ETFDH: variants seen among roughly 807,000 people sequenced by gnomAD.
The protein encoded by ETFDH is electron transfer flavoprotein-ubiquinone oxidoreductase, mitochondrial.
ETFDH carries 61 observed loss-of-function variants against 73.2 expected under a neutral mutation model. The ratio of observed to expected loss-of-function variants is 0.83; its 90% CI spans 0.68 to 1.03. ETFDH has a LOEUF of 1.03. Among genes scored for constraint, ETFDH ranks in the 50% least tolerant of loss-of-function variants. The pLI is 0.00. For missense variants in ETFDH, 685 were observed against 745.0 expected (o/e 0.92, Z 0.94); for synonymous variants, 243 against 253.3 (o/e 0.96, Z 0.39).
chr4:158,693,866 A>T (rs1774242426), intron 6 of ETFDH, among the ~76,000 whole-genome samples: 1 of 152,256 alleles, frequency 6.6e-6, no homozygotes, highest in African/African-American at 2.4e-5. Flanking sequence ...ACAAGAAAAA[A>T]GACAACACAT....
At chr4:158,685,262 CTT>C (rs771537173) in intron 5 of ETFDH, 43 bp downstream of exon 5, 8 of 1,029,892 alleles carry the variant, frequency 7.8e-6, no homozygotes, top group Non-Finnish European at 1.1e-5. Context: ...TAGGAACTCT[CTT>C]TTTTTAATAA....
At chr4:158,683,230 G>A (rs1293863255) in intron 3 of ETFDH, among the ~76,000 whole-genome samples, 4 of 152,174 alleles carry the variant, frequency 2.6e-5, no homozygotes, top group African/African-American at 7.2e-5. Context: ...AATAAAATTT[G>A]TATGAATTTG....
intron 1 of ETFDH, among the ~76,000 whole-genome samples, chr4:158,675,610 A>G (rs1011900651): frequency 2.0e-5 from 3 of 152,122 alleles, no homozygotes; most frequent in African/African-American, 4.8e-5. Context: ...CTACAAAAAA[A>G]TAGAAACAAT....
intron 1 of ETFDH, 145 bp downstream of exon 1, chr4:158,672,635 G>A (rs1773604333): frequency 3.6e-6 from 3 of 830,158 alleles, no homozygotes; most frequent in Admixed American, 4.2e-5. Flanking sequence ...CTGTCAGCCT[G>A]TTGGGGGACC....
Position 158,698,969 on chromosome 4 carries a change from TA to T in ETFDH, c.973-16del. ...TGAAATAAAAATGTCTAATTAAATATAAGTGTAAATTTTTAAGGTTGGTCTA... is the reference window on the plus strand; with the variant it reads ...TGAAATAAAAATGTCTAATTAAATATAGTGTAAATTTTTAAGGTTGGTCTA... On this transcript the variant is annotated splice_polypyrimidine_tract_variant and intron_variant, in intron 8 of 12. Transcript: ENST00000511912. The T allele has an allele frequency of 6.6e-7, 1 of 1,510,944 alleles. No individual in the cohort carries two copies. Among genetic ancestry groups the T allele is most frequent in the Non-Finnish European group, 9.2e-7 (1 of 1,088,492 alleles). The allele number at this position is 1,510,944 out of a possible 1,614,324, so 93.6% of individuals were successfully genotyped here. A position where few individuals can be genotyped will look rare whatever the true frequency, so the allele number is the denominator to read the frequency against.
chr4:158,672,552 C>T (rs1773601368), intron 1 of ETFDH, 62 bp downstream of exon 1: 6 of 1,530,738 alleles, frequency 3.9e-6, no homozygotes, highest in African/African-American at 1.4e-5. Flanking sequence ...CAAGGCCGGT[C>T]CTGGGGGCTG....
rs1438396208 is a variant in ETFDH, at chr4:158,697,737, G to C, written c.972+38G>C. Reference sequence around the variant, plus strand: ...CCCATTAGGGAAAATTCTGCTGCTAGAGTTATATTACCATCAGTGTTATAA... The same window carrying C: ...CCCATTAGGGAAAATTCTGCTGCTACAGTTATATTACCATCAGTGTTATAA... On this transcript the variant is annotated intron_variant, in intron 8 of 12. Transcript: ENST00000511912. The C allele has an allele frequency of 3.8e-6, 6 of 1,564,902 alleles. No homozygotes were observed. In the Admixed American group the frequency reaches 8.3e-5, roughly 22 times the overall value.
intron 5 of ETFDH, among the ~76,000 whole-genome samples, chr4:158,687,513 A>T (rs954146897): frequency 2.0e-5 from 3 of 152,156 alleles, no homozygotes; most frequent in African/African-American, 7.2e-5. Flanking sequence ...ACGGTACATA[A>T]TTTGAGTTTT....
At chr4:158,675,351 T>C (rs1427429071) in intron 1 of ETFDH, among the ~76,000 whole-genome samples, 3 of 152,262 alleles carry the variant, frequency 2.0e-5, no homozygotes, top group African/African-American at 7.2e-5. Flanking sequence ...AAGTTCTATG[T>C]GGTAGCATAT....
rs201049444 is a variant in ETFDH, at chr4:158,690,383, T to C, written c.642T>C (p.Ile214=). Reference sequence around the variant, plus strand: ...ATGATGATGGTAGTGTAAAAGGAATTGCCACTAACGATGTAGGGATACAAA... The same window carrying C: ...ATGATGATGGTAGTGTAAAAGGAATCGCCACTAACGATGTAGGGATACAAA... ...LFHDDGSVKG[I]ATNDVGIQKD... Residue 214 remains isoleucine (I), a synonymous_variant, in exon 6 of 13, where the codon ATT becomes ATC. Coordinates refer to ENST00000511912, the MANE Select transcript of ETFDH (RefSeq NM_004453.4). 23 of 1,605,376 alleles carry C rather than the reference T, an allele frequency of 1.4e-5. No homozygotes were observed. The East Asian group carries it at 4.0e-4, about 28-fold the overall frequency.
intron 1 of ETFDH, 58 bp downstream of exon 1, chr4:158,672,548 C>G: frequency 6.5e-7 from 1 of 1,550,116 alleles, no homozygotes; most frequent in African/African-American, 1.4e-5. Flanking sequence ...GGGACAAGGC[C>G]GGTCCTGGGG....
chr4:158,692,314 G>A (rs1053243111), intron 6 of ETFDH, among the ~76,000 whole-genome samples: 2 of 151,650 alleles, frequency 1.3e-5, no homozygotes, highest in Non-Finnish European at 2.9e-5. Flanking sequence ...GCAGGAGAAT[G>A]GCGTGAACCC....
chr4:158,708,410 AC>A lies in ETFDH; in HGVS notation c.1738del (p.Gln580ArgfsTer2). ...TGGAACAAGGTGATGGATTTCGGTT[AC>A]AGATAAATGCTCAGAACTGTGTACA... is the stretch of plus-strand genomic sequence containing the variant. ...PVEQGDGFRL[Q>X]INAQNCVHCK... On this transcript the variant is annotated frameshift_variant, in exon 13 of 13. Transcript: ENST00000511912. LOFTEE classifies it high-confidence loss of function. 1.2e-6 allele frequency: 2 copies of A among 1,612,228 alleles called. No individual in the cohort carries two copies. Among genetic ancestry groups the A allele is most frequent in the Non-Finnish European group, 1.7e-6 (2 of 1,178,266 alleles).
At position 158,699,073 on chromosome 4, in the gene ETFDH, G is replaced by A; in HGVS notation, c.1059G>A (p.Leu353=). The A allele has an allele frequency of 6.2e-7, 1 of 1,613,980 alleles. No individual in the cohort carries two copies. Among genetic ancestry groups the A allele is most frequent in the Non-Finnish European group, 8.5e-7 (1 of 1,179,868 alleles). The change falls in exon 9 of 13, where the codon TTG becomes TTA. Residue 353 remains leucine (L), a synonymous_variant. Coordinates refer to ENST00000511912, the MANE Select transcript of ETFDH (RefSeq NM_004453.4). ...ACCATCCTAGCATTCGGCCAACCTT[G>A]GAAGGTGGAAAAAGGATTGCATACG... ...WKHHPSIRPT[L]EGGKRIAYGA... is the part of the protein sequence containing the mutation.
rs1440703214 is a variant in ETFDH, at chr4:158,699,218, AAAC to A, written c.1116+91_1116+93del. The A allele has an allele frequency of 1.3e-5, 15 of 1,132,918 alleles. No individual in the cohort carries two copies. In the East Asian group the frequency reaches 3.5e-4, roughly 27 times the overall value. 70.2% of individuals were successfully genotyped at this position (1,132,918 alleles called of 1,614,324 possible). A position where few individuals can be genotyped will look rare whatever the true frequency, so the allele number is the denominator to read the frequency against. ...TGTAACAAATTTAGATAAAGAATAAAAACAATATTGGAATAGGAAAAGTATGTA... is the reference window on the plus strand; with the variant it reads ...TGTAACAAATTTAGATAAAGAATAAAAATATTGGAATAGGAAAAGTATGTA... On this transcript the variant is annotated intron_variant, in intron 9 of 12. Coordinates refer to ENST00000511912, the MANE Select transcript of ETFDH (RefSeq NM_004453.4).
At chr4:158,706,101 C>A in intron 10 of ETFDH, 88 bp from the exon 11 acceptor site, 1 of 909,716 alleles carries the variant, frequency 1.1e-6, no homozygotes, top group South Asian at 1.3e-5. Flanking sequence ...AAACTTCACT[C>A]ATCAGCTATC....
In ETFDH at chr4:158,708,422, T is replaced by G. The variant is rs201683266; in HGVS notation, c.1749T>G (p.Ala583=). Residue 583 remains alanine, a synonymous_variant, in exon 13 of 13, where the codon GCT becomes GCG. Coordinates refer to ENST00000511912, the MANE Select transcript of ETFDH (RefSeq NM_004453.4). ...QGDGFRLQIN[A]QNCVHCKTCD... is the part of the protein sequence containing the mutation. ...ATGGATTTCGGTTACAGATAAATGC[T>G]CAGAACTGTGTACATTGTAAAACAT... is the stretch of plus-strand genomic sequence containing the variant. The G allele has an allele frequency of 6.2e-7, 1 of 1,611,476 alleles. No homozygotes were observed.
At chr4:158,684,442 C>T in intron 3 of ETFDH, 150 bp from the exon 4 acceptor site, 1 of 550,270 alleles carries the variant, frequency 1.8e-6, no homozygotes. Context: ...AAAGGATTCA[C>T]AGTGACAAGT....
At position 158,687,773 on chromosome 4, in the gene ETFDH, G is replaced by T. The variant is rs28497886; in HGVS notation, c.606+2554G>T. ...AATAAAATCTTGGCCGGGCGCAGTGGCTCATGCCTGTAATCCCAGCACTTT... is the reference window on the plus strand; with the variant it reads ...AATAAAATCTTGGCCGGGCGCAGTGTCTCATGCCTGTAATCCCAGCACTTT... On this transcript the variant is annotated intron_variant, in intron 5 of 12. Coordinates refer to ENST00000511912, the MANE Select transcript of ETFDH (RefSeq NM_004453.4). Among the ~76,000 whole-genome samples the T allele has an allele frequency of 8.2e-3, 1,252 of 152,252 alleles. 20 individuals are homozygous for T. The highest frequency in any genetic ancestry group is 0.028 in the African/African-American group (1,177 of 41,544).
Sources: allele counts gnomAD v4.1 joint callset (sites outside exome capture counted in the v4.1 genomes callset), GRCh38; gene constraint gnomAD v4.1.1; transcripts MANE v1.5; gene names NCBI Gene and HGNC (gene_info 2026-07-23, HGNC 2026-07-21).